PLXNA1: variants seen among roughly 807,000 people sequenced by gnomAD.
PLXNA1 encodes plexin-A1.
In PLXNA1, 77 loss-of-function variants were observed where a neutral mutation model predicts 191.7. That is an observed-to-expected ratio of 0.40 (90% CI 0.33 to 0.49). PLXNA1 has a LOEUF of 0.49. Among genes scored for constraint, PLXNA1 ranks in the 20% least tolerant of loss-of-function variants. PLXNA1 has a pLI of 0.63. For synonymous variants in PLXNA1, 1,137 were observed against 1,156.4 expected (o/e 0.98, Z 0.34); for missense variants, 2,110 against 2,660.2 (o/e 0.79, Z 4.55).
At chr3:127,021,031 C>T (rs190474370) in intron 21 of PLXNA1, among the ~76,000 whole-genome samples, 94 of 152,338 alleles carry the variant, frequency 6.2e-4, no homozygotes, top group Admixed American at 3.1e-3. Flanking sequence ...GCCAGGGGCT[C>T]GGCAGGTTAG....
In PLXNA1 at chr3:127,004,787, G is replaced by A. The variant is rs878918854; in HGVS notation, c.1619+76G>A. On this transcript the variant is annotated intron_variant, in intron 5 of 31. Transcript: ENST00000393409. ...CACAGTGGGGGAGGGGGAGCCTGGT[G>A]CAGGGCAAGCCACCCCGAGTTCTCT... 17 of 1,593,984 alleles carry A rather than the reference G, an allele frequency of 1.1e-5. No individual in the cohort carries two copies. The South Asian group carries it at 1.8e-4, about 17-fold the overall frequency.
At chr3:127,017,131 A>T in intron 17 of PLXNA1, 94 bp downstream of exon 17, 1 of 1,195,232 alleles carries the variant, frequency 8.4e-7, no homozygotes, top group Admixed American at 2.2e-5. Flanking sequence ...CCCTGCCCCT[A>T]CCCCTGCCCC....
At chr3:126,997,433 G>A (rs993663711) in intron 3 of PLXNA1, among the ~76,000 whole-genome samples, 5 of 152,306 alleles carry the variant, frequency 3.3e-5, no homozygotes, top group South Asian at 2.1e-4. Context: ...GCAGGCCACC[G>A]GGTCCGTCTT....
intron 3 of PLXNA1, among the ~76,000 whole-genome samples, chr3:127,002,532 G>A (rs1370643389): frequency 6.6e-6 from 1 of 152,218 alleles, no homozygotes; most frequent in East Asian, 1.9e-4. Context: ...CCCCTGCCCT[G>A]AGGTGGAAGT....
chr3:127,029,428 C>G lies in PLXNA1; in HGVS notation c.4774-12C>G, dbSNP rs1289009393. On this transcript the variant is annotated splice_polypyrimidine_tract_variant and intron_variant, in intron 26 of 31. Transcript: ENST00000393409. ...CTGGTGGGTCACAGGGTCCCTGGCC[C>G]TCTGCCCACAGGTGACAGACGGGTC... 8.1e-6 allele frequency: 13 copies of G among 1,612,982 alleles called. No individual in the cohort carries two copies. The highest frequency in any genetic ancestry group is 1.1e-5 in the Non-Finnish European group (13 of 1,179,270).
intron 27 of PLXNA1, among the ~76,000 whole-genome samples, 164 bp downstream of exon 27, chr3:127,029,700 G>A (rs1281112727): frequency 2.6e-5 from 4 of 152,324 alleles, no homozygotes; most frequent in South Asian, 4.1e-4. Flanking sequence ...TGGAGGCTGC[G>A]CCTCCTCGCG....
At position 127,032,830 on chromosome 3, in the gene PLXNA1, G is replaced by A; in HGVS notation, c.5589G>A (p.Lys1863=). 1 of 1,612,984 alleles carries A rather than the reference G, an allele frequency of 6.2e-7. No individual in the cohort carries two copies. The highest frequency in any genetic ancestry group is 1.1e-5 in the South Asian group (1 of 91,068). The change falls in exon 31 of 32, where the codon AAG becomes AAA. Residue 1863 remains lysine, a synonymous_variant. Transcript: ENST00000393409. ...HEIYSYITKY[K]DEILAALEKD... ...TCTACTCCTACATCACCAAGTACAA[G>A]GATGAGGTGAACACCGTGGGAGCCC...
chr3:127,017,436 G>A lies in PLXNA1; in HGVS notation c.3288G>A (p.Val1096=), dbSNP rs1357517425. 2 of 1,612,780 alleles carry A rather than the reference G, an allele frequency of 1.2e-6. No individual in the cohort carries two copies. Among genetic ancestry groups the A allele is most frequent in the Admixed American group, 1.7e-5 (1 of 60,010 alleles). The change falls in exon 18 of 32, where the codon GTG becomes GTA. Residue 1096 remains valine (V), a synonymous_variant. Coordinates refer to ENST00000393409, the MANE Select transcript of PLXNA1 (RefSeq NM_032242.4). ...GGIERENGCL[V]YNDTTMVCRA... ...CCCTGTGTCTCCAGGGCTGCCTGGT[G>A]TACAATGACACCACCATGGTATGCC...
chr3:127,033,257 C>T (rs753994690), intron 31 of PLXNA1, among the ~76,000 whole-genome samples: 3 of 152,206 alleles, frequency 2.0e-5, no homozygotes, highest in Non-Finnish European at 4.4e-5. Context: ...CGTACATGGA[C>T]CTGGGGACGG....
In PLXNA1 at chr3:127,019,301, T is replaced by A. The variant is rs566494454; in HGVS notation, c.3895+773T>A. 2.0e-5 allele frequency among the ~76,000 whole-genome samples: 3 copies of A among 152,318 alleles called. No individual in the cohort carries two copies. In the East Asian group the frequency reaches 5.8e-4, roughly 29 times the overall value. Reference sequence around the variant, plus strand: ...ACTCAGCCAGTCTTAAAATGCAAAGTTCTGCATCCTGGGAGCCCTCTCAGT... The same window carrying A: ...ACTCAGCCAGTCTTAAAATGCAAAGATCTGCATCCTGGGAGCCCTCTCAGT... On this transcript the variant is annotated intron_variant, in intron 20 of 31. Transcript: ENST00000393409.
rs141381860 is a variant in PLXNA1 at position 127,008,038 on chromosome 3, G to A, written c.2112+125G>A. 524 of 630,230 alleles carry A rather than the reference G, an allele frequency of 8.3e-4. 1 individual carries two copies. The highest frequency in any genetic ancestry group is 1.2e-3 in the Non-Finnish European group (440 of 363,708). 39.0% of individuals were successfully genotyped at this position (630,230 alleles called of 1,614,324 possible). A position where few individuals can be genotyped will look rare whatever the true frequency, so the allele number is the denominator to read the frequency against. On this transcript the variant is annotated intron_variant, in intron 9 of 31. Coordinates refer to ENST00000393409, the MANE Select transcript of PLXNA1 (RefSeq NM_032242.4). ...ACCTGTGGATGTCTGGGATGTCACC[G>A]TGTGGTGCATGCACCACCAGGCTGG...
At chr3:127,008,063 G>T (rs905555082) in intron 9 of PLXNA1, 150 bp downstream of exon 9, 7 of 570,560 alleles carry the variant, frequency 1.2e-5, no homozygotes, top group African/African-American at 9.5e-5. Flanking sequence ...CACCAGGCTG[G>T]GTCAGTGAGG....
intron 2 of PLXNA1, among the ~76,000 whole-genome samples, chr3:126,990,176 G>A (rs1449654132): frequency 1.3e-5 from 2 of 152,224 alleles, no homozygotes; most frequent in East Asian, 3.8e-4. Context: ...AGAGAGGTGG[G>A]GTAACTTGCC....
intron 23 of PLXNA1, chr3:127,027,687 C>T (rs1228890409): frequency 2.3e-5 from 15 of 647,912 alleles, no homozygotes; most frequent in Non-Finnish European, 3.4e-5. Context: ...TACACTACTG[C>T]GCCTCCTGGC....
At chr3:127,001,354 T>C (rs958537216) in intron 3 of PLXNA1, among the ~76,000 whole-genome samples, 1 of 151,874 alleles carries the variant, frequency 6.6e-6, no homozygotes, top group East Asian at 1.9e-4. Context: ...GGTCATGTCC[T>C]TGTTGAGACA....
intron 29 of PLXNA1, among the ~76,000 whole-genome samples, chr3:127,031,570 G>A (rs1272034325): frequency 2.6e-5 from 4 of 152,118 alleles, no homozygotes; most frequent in East Asian, 1.9e-4. Flanking sequence ...GCTGGCTCCC[G>A]GGCCAGCAGC....
At chr3:127,031,262 G>C (rs2079209299) in intron 29 of PLXNA1, among the ~76,000 whole-genome samples, 1 of 152,202 alleles carries the variant, frequency 6.6e-6, no homozygotes, top group African/African-American at 2.4e-5. Context: ...CTAGCCCCTG[G>C]AGCGGGTCCC....
Position 127,005,146 on chromosome 3 carries a change from C to T in PLXNA1, c.1800C>T (p.Phe600=), listed in dbSNP as rs371942161. ...TCTCAGCTGGCGTCAACTGCTCCTTCGAGGACTTCACGGAATCTGAGAGCG... is the reference window on the plus strand; with the variant it reads ...TCTCAGCTGGCGTCAACTGCTCCTTTGAGGACTTCACGGAATCTGAGAGCG... The part of the protein sequence containing the change: ...PDLSAGVNCS[F]EDFTESESVL... The change falls in exon 7 of 32, where the codon TTC becomes TTT. Residue 600 remains phenylalanine, a synonymous_variant. Coordinates refer to ENST00000393409, the MANE Select transcript of PLXNA1 (RefSeq NM_032242.4). The T allele has an allele frequency of 2.5e-6, 4 of 1,612,730 alleles. No homozygotes were observed. Among genetic ancestry groups the T allele is most frequent in the African/African-American group, 1.3e-5 (1 of 75,060 alleles).
At chr3:126,993,061 C>T (rs1479650289) in intron 3 of PLXNA1, among the ~76,000 whole-genome samples, 1 of 152,198 alleles carries the variant, frequency 6.6e-6, no homozygotes, top group African/African-American at 2.4e-5. Flanking sequence ...TACCCTGTTC[C>T]TGCTGCCCAG....
Sources: gnomAD v4.1 joint callset for allele counts (sites outside exome capture counted in the v4.1 genomes callset) on GRCh38, gnomAD v4.1.1 for gene constraint, MANE v1.5 for transcripts, NCBI Gene and HGNC (gene_info 2026-07-23, HGNC 2026-07-21) for gene names.